The following DNAJC5B variants were observed in gnomAD, a reference collection of about 807,000 sequenced individuals.
DNAJC5B encodes the protein DnaJ heat shock protein family (Hsp40) member C5 beta, also known as dnaJ homolog subfamily C member 5B.
A neutral mutation model predicts 24.7 loss-of-function variants in DNAJC5B; 23 were observed. That is an observed-to-expected ratio of 0.93 (90% CI 0.67 to 1.32). The LOEUF (loss-of-function observed/expected upper bound fraction) is 1.32, where lower values mean the gene tolerates loss of function less well. DNAJC5B is among the 40% of genes most tolerant of loss of function. The probability of loss-of-function intolerance (pLI) is 0.00; values close to 1 mark genes in which losing one functional copy is unlikely to be tolerated. For synonymous variants in DNAJC5B, 101 were observed against 90.1 expected (o/e 1.12, Z -0.68); for missense variants, 238 against 240.8 (o/e 0.99, Z 0.08).
At chr8:66,075,134 TTGGTTCAC>T (rs1379467462) in intron 3 of DNAJC5B, among the ~76,000 whole-genome samples, 3 of 152,192 alleles carry the variant, frequency 2.0e-5, no homozygotes, top group Non-Finnish European at 4.4e-5. Context: ...TGATGCAGTC[TTGGTTCAC>T]TGCAACCTCC....
upstream of DNAJC5B, among the ~76,000 whole-genome samples, chr8:66,019,090 AC>A (rs2128954110): frequency 6.6e-6 from 1 of 152,144 alleles, no homozygotes; most frequent in South Asian, 2.1e-4. Context: ...CATAACCCAC[AC>A]CTCCACAGAA....
At chr8:66,088,528 A>G (rs756948134) in intron 5 of DNAJC5B, among the ~76,000 whole-genome samples, 3 of 152,194 alleles carry the variant, frequency 2.0e-5, no homozygotes, top group Non-Finnish European at 4.4e-5. Context: ...TCAGGTTGCA[A>G]ATCCAAACCT....
At chr8:66,073,194 A>T (rs1049850016) in intron 3 of DNAJC5B, among the ~76,000 whole-genome samples, 2 of 152,190 alleles carry the variant, frequency 1.3e-5, no homozygotes, top group Non-Finnish European at 2.9e-5. Context: ...GAATAAAAAA[A>T]TCAACATACA....
At chr8:66,053,590 A>G (rs1806898651) in intron 3 of DNAJC5B, among the ~76,000 whole-genome samples, 1 of 151,792 alleles carries the variant, frequency 6.6e-6, no homozygotes, top group Non-Finnish European at 1.5e-5. Flanking sequence ...TAGAAAAGAC[A>G]TTTAAAAATC....
chr8:66,069,908 T>C (rs1381053589), intron 3 of DNAJC5B, among the ~76,000 whole-genome samples: 1 of 152,188 alleles, frequency 6.6e-6, no homozygotes, highest in Non-Finnish European at 1.5e-5. Context: ...CTTCAACATA[T>C]GCAAATCAAT....
At chr8:66,056,222 C>G (rs528767826) in intron 3 of DNAJC5B, among the ~76,000 whole-genome samples, 3 of 152,232 alleles carry the variant, frequency 2.0e-5, no homozygotes, top group African/African-American at 7.2e-5. Context: ...AGAAGGCATC[C>G]AGGTAGTCTC....
chr8:66,048,363 G>A (rs963879040), intron 2 of DNAJC5B, among the ~76,000 whole-genome samples: 3 of 152,184 alleles, frequency 2.0e-5, no homozygotes, highest in Admixed American at 6.5e-5. Context: ...GTTCTCTGTC[G>A]CTACTTTCTT....
chr8:66,059,551 G>C (rs1040851335), intron 3 of DNAJC5B, among the ~76,000 whole-genome samples: 6 of 152,200 alleles, frequency 3.9e-5, no homozygotes, highest in Admixed American at 3.9e-4. Flanking sequence ...GGAGACTGCT[G>C]AAATAAGAAA....
intron 5 of DNAJC5B, among the ~76,000 whole-genome samples, chr8:66,080,977 A>G (rs890023510): frequency 1.3e-5 from 2 of 151,980 alleles, no homozygotes; most frequent in Admixed American, 1.3e-4. Context: ...AAAGTCACCA[A>G]CCCTTGACTT....
intron 1 of DNAJC5B, among the ~76,000 whole-genome samples, chr8:66,031,656 A>G (rs1806363108): frequency 6.6e-6 from 1 of 152,226 alleles, no homozygotes; most frequent in Non-Finnish European, 1.5e-5. Flanking sequence ...CCAATGTTTC[A>G]GTTTGAGTCT....
chr8:66,062,769 G>C (rs771758779), intron 3 of DNAJC5B, among the ~76,000 whole-genome samples: 23 of 152,224 alleles, frequency 1.5e-4, no homozygotes, highest in Non-Finnish European at 3.2e-4. Flanking sequence ...TGAGGCTGCA[G>C]TGAGCTATAA....
intron 5 of DNAJC5B, among the ~76,000 whole-genome samples, chr8:66,091,754 G>A (rs1333905057): frequency 6.6e-6 from 1 of 152,034 alleles, no homozygotes; most frequent in Non-Finnish European, 1.5e-5. Context: ...CCTAGGAAAG[G>A]GGAAAAAGGA....
chr8:66,071,165 C>T (rs1186653393), intron 3 of DNAJC5B, among the ~76,000 whole-genome samples: 2 of 152,092 alleles, frequency 1.3e-5, no homozygotes, highest in Non-Finnish European at 1.5e-5. Flanking sequence ...GACTAAAACA[C>T]CAAAAGCAAT....
chr8:66,052,247 C>T (rs1177211505), intron 3 of DNAJC5B, among the ~76,000 whole-genome samples: 7 of 151,816 alleles, frequency 4.6e-5, no homozygotes, highest in Admixed American at 2.6e-4. Context: ...CATGAGCAAC[C>T]GCGCCCTGCC....
chr8:66,072,908 T>G (rs1195638712), intron 3 of DNAJC5B, among the ~76,000 whole-genome samples: 1 of 152,032 alleles, frequency 6.6e-6, no homozygotes, highest in East Asian at 1.9e-4. Flanking sequence ...ACAAGATATC[T>G]CCTCTATAGG....
intron 4 of DNAJC5B, among the ~76,000 whole-genome samples, chr8:66,079,920 GGAAT>G (rs1807554014): frequency 6.6e-6 from 1 of 152,114 alleles, no homozygotes; most frequent in Non-Finnish European, 1.5e-5. Context: ...GTGACCAGCA[GGAAT>G]GTGAGTGTAG....
chr8:66,094,807 T>C (rs1404341970), intron 5 of DNAJC5B, among the ~76,000 whole-genome samples: 1 of 152,136 alleles, frequency 6.6e-6, no homozygotes, highest in Non-Finnish European at 1.5e-5. Flanking sequence ...TAGACCTTCA[T>C]ATTTGATCAC....
chr8:66,099,318 T>C (rs1808023110), intron 5 of DNAJC5B, among the ~76,000 whole-genome samples: 1 of 152,248 alleles, frequency 6.6e-6, no homozygotes, highest in African/African-American at 2.4e-5. Flanking sequence ...GGCAGCTTTC[T>C]CAACTCAGCA....
chr8:66,064,853 G>T (rs1807156308), intron 3 of DNAJC5B, among the ~76,000 whole-genome samples: 1 of 152,094 alleles, frequency 6.6e-6, no homozygotes, highest in African/African-American at 2.4e-5. Context: ...TATCTACTGT[G>T]TTTGCACAAA....
Sources: gnomAD v4.1 joint callset for allele counts (sites outside exome capture counted in the v4.1 genomes callset) on GRCh38, gnomAD v4.1.1 for gene constraint, MANE v1.5 for transcripts, NCBI Gene and HGNC (gene_info 2026-07-23, HGNC 2026-07-21) for gene names.